Variants in AP1S2 observed in about 807,000 individuals in gnomAD.
The protein encoded by AP1S2 is AP-1 complex subunit sigma-2.
A neutral mutation model predicts 14.3 loss-of-function variants in AP1S2; 1 was observed. That is an observed-to-expected ratio of 0.07 (90% CI 0.02 to 0.33). The LOEUF (loss-of-function observed/expected upper bound fraction) is 0.33. AP1S2 is among the 10% of genes least tolerant of loss of function. The pLI is 0.99. For synonymous variants in AP1S2, 30 were observed against 40.5 expected (o/e 0.74, Z 0.99); for missense variants, 30 against 117.7 (o/e 0.25, Z 3.45).
At chrX:15,828,380 T>A in intron 4 of AP1S2, among the ~76,000 whole-genome samples, 180 bp from the exon 5 acceptor site, 1 of 111,719 alleles carries the variant, frequency 9.0e-6, no homozygotes, top group Non-Finnish European at 1.9e-5. Flanking sequence ...TATGTTGAGA[T>A]TAAGTGAATT....
chrX:15,854,643 C>T (rs1934285366), intron 1 of AP1S2, 45 bp downstream of exon 1: 2 of 585,656 alleles, frequency 3.4e-6, no homozygotes, highest in Non-Finnish European at 4.1e-6. Flanking sequence ...CCTCCCTCCC[C>T]CTCTCCCCCA....
intron 4 of AP1S2, among the ~76,000 whole-genome samples, chrX:15,834,481 A>ATATATATAAAT (rs1569080380): frequency 7.7e-5 from 1 of 13,018 alleles, no homozygotes; most frequent in African/African-American, 4.1e-4. Flanking sequence ...TATATATATA[A>ATATATATAAAT]TTTTTTTTTT....
chrX:15,853,851 C>A (rs1196741628), intron 1 of AP1S2, among the ~76,000 whole-genome samples: 2 of 111,276 alleles, frequency 1.8e-5, no homozygotes, highest in East Asian at 2.8e-4. Flanking sequence ...CTGAAGATAG[C>A]GGCATTCGAA....
intron 4 of AP1S2, among the ~76,000 whole-genome samples, chrX:15,838,016 A>G (rs1210401636): frequency 1.2e-4 from 13 of 112,018 alleles, no homozygotes; most frequent in Non-Finnish European, 2.4e-4. Context: ...GTCTACATAT[A>G]ATATTGAAAA....
intron 5 of AP1S2, among the ~76,000 whole-genome samples, chrX:15,827,614 C>T (rs1184822609): frequency 9.0e-6 from 1 of 111,606 alleles, no homozygotes; most frequent in African/African-American, 3.3e-5. Flanking sequence ...TGCTAGATGC[C>T]GTTGCTGTCA....
At chrX:15,842,029 C>T (rs1181190316) in intron 4 of AP1S2, among the ~76,000 whole-genome samples, 1 of 111,529 alleles carries the variant, frequency 9.0e-6, no homozygotes, top group African/African-American at 3.3e-5. Flanking sequence ...TCTAACCTTT[C>T]ACAGGGTGTC....
chrX:15,846,047 C>A (rs1335813695), intron 2 of AP1S2, 36 bp from the exon 3 acceptor site: 7 of 953,029 alleles, frequency 7.3e-6, no homozygotes, highest in Non-Finnish European at 1.1e-5. Flanking sequence ...AAACTGTTAT[C>A]CTATAATGAT....
chrX:15,844,874 C>T (rs1933953025), intron 4 of AP1S2: 1 of 464,097 alleles, frequency 2.2e-6, no homozygotes, highest in Non-Finnish European at 2.7e-6. Flanking sequence ...GAAGTTTCTA[C>T]AAAAAGTATA....
At chrX:15,850,549 GCGGGGT>G (rs765416110) in intron 2 of AP1S2, among the ~76,000 whole-genome samples, 1 of 106,728 alleles carries the variant, frequency 9.4e-6, no homozygotes, top group East Asian at 2.9e-4. Flanking sequence ...TGTAGAGACG[GCGGGGT>G]CTCACTAAGT....
chrX:15,846,155 CA>C (rs2147319551), intron 2 of AP1S2, 144 bp from the exon 3 acceptor site: 1 of 478,915 alleles, frequency 2.1e-6, no homozygotes, highest in East Asian at 3.7e-5. Flanking sequence ...TCATAGACTA[CA>C]AAAGTAATAA....
intron 5 of AP1S2, among the ~76,000 whole-genome samples, chrX:15,827,649 C>A (rs1014067036): frequency 1.3e-4 from 14 of 111,738 alleles, no homozygotes; most frequent in Admixed American, 1.0e-3. Flanking sequence ...AAGCCCAGTG[C>A]AAACCTGCTG....
At chrX:15,845,062 T>TA (rs1228303866) in intron 4 of AP1S2, 4 of 750,805 alleles carry the variant, frequency 5.3e-6, no homozygotes, top group East Asian at 1.5e-4. Context: ...GTTCTCAACT[T>TA]ACTGCTACTT....
At chrX:15,833,233 C>A in intron 4 of AP1S2, 1 of 754,173 alleles carries the variant, frequency 1.3e-6, no homozygotes. Context: ...CCAAACAGGG[C>A]GGAGTATGCA....
chrX:15,850,764 G>T (rs1934152472), intron 2 of AP1S2, among the ~76,000 whole-genome samples: 1 of 110,270 alleles, frequency 9.1e-6, no homozygotes, highest in Non-Finnish European at 1.9e-5. Context: ...GCCAGTCTCA[G>T]CCCCTCCTGC....
At chrX:15,850,211 A>G (rs1195123746) in intron 2 of AP1S2, among the ~76,000 whole-genome samples, 1 of 111,480 alleles carries the variant, frequency 9.0e-6, no homozygotes, top group Non-Finnish European at 1.9e-5. Context: ...CCAGAAAATC[A>G]GGCTTCTCTT....
At chrX:15,853,970 G>A (rs934895958) in intron 1 of AP1S2, among the ~76,000 whole-genome samples, 5 of 111,657 alleles carry the variant, frequency 4.5e-5, no homozygotes, top group Admixed American at 1.9e-4. Flanking sequence ...AAAGGGTGAG[G>A]GTTTGCCTGC....
rs1214587323 is a variant in AP1S2, at chrX:15,845,390, G to C, written c.415C>G (p.Leu139Val). The C allele has an allele frequency of 1.7e-6, 2 of 1,208,352 alleles. No homozygotes were observed. The highest frequency in any genetic ancestry group is 1.8e-5 in the African/African-American group (1 of 56,989). ...AATAAGTAGCTTACCTCCTGCAGTA[G>C]ATCAGCCTGCTCAATTGCTTTAAGG... ...NVLKAIEQAD[L>V]LQEDAKEAET... The change falls in exon 4 of 6, where the codon CTA (leucine) becomes GTA (valine). Residue 139 changes from leucine to valine, a missense_variant. Physicochemically the swap from Leu to Val is conservative, Grantham distance 32. Transcript: ENST00000672987.
intron 4 of AP1S2, among the ~76,000 whole-genome samples, chrX:15,842,093 T>C (rs1255338731): frequency 1.8e-5 from 2 of 111,973 alleles, no homozygotes; most frequent in East Asian, 5.5e-4. Context: ...GGGCCTCACA[T>C]ACAAGCACTC....
chrX:15,844,157 G>A (rs1933925351), intron 4 of AP1S2, among the ~76,000 whole-genome samples: 1 of 112,498 alleles, frequency 8.9e-6, no homozygotes, highest in Non-Finnish European at 1.9e-5. Flanking sequence ...CCCCACAACT[G>A]TCCCAGTCAG....
Sources: allele counts gnomAD v4.1 joint callset (sites outside exome capture counted in the v4.1 genomes callset), GRCh38; gene constraint gnomAD v4.1.1; transcripts MANE v1.5; gene names NCBI Gene and HGNC (gene_info 2026-07-23, HGNC 2026-07-21).